The following UNC13C variants were observed in gnomAD, a reference collection of about 807,000 sequenced individuals.
UNC13C encodes unc-13 homolog C.
In UNC13C, 174 loss-of-function variants were observed where a neutral mutation model predicts 245.4. The observed-to-expected ratio is 0.71, with a 90% confidence interval of 0.63 to 0.80. The LOEUF is 0.80. Among genes scored for constraint, UNC13C ranks in the 30% least tolerant of loss-of-function variants. The probability of loss-of-function intolerance (pLI) is 0.00; values close to 1 mark genes in which losing one functional copy is unlikely to be tolerated. For synonymous variants in UNC13C, 992 were observed against 895.1 expected (o/e 1.11, Z -1.93); for missense variants, 2,829 against 2,602.9 (o/e 1.09, Z -1.89).
At chr15:54,402,341 A>T (rs1443150124) in intron 18 of UNC13C, among the ~76,000 whole-genome samples, 1 of 152,314 alleles carries the variant, frequency 6.6e-6, no homozygotes, top group African/African-American at 2.4e-5. Flanking sequence ...ATATTACATT[A>T]TATGGAAAGA....
chr15:53,990,630 A>G (rs1894344010), intron 1 of UNC13C, among the ~76,000 whole-genome samples: 1 of 151,970 alleles, frequency 6.6e-6, no homozygotes, highest in South Asian at 2.1e-4. Flanking sequence ...TTTCGCTTTT[A>G]TAGTTTAAGT....
Position 54,478,442 on chromosome 15 carries a change from G to C in UNC13C, c.4934-16166G>C, listed in dbSNP as rs1234669573. ...GGATATTTCCTGCTTTCTCTTGTGG[G>C]CATTTAGTGCTATAAATTTCCCTCT... On this transcript the variant is annotated intron_variant, in intron 19 of 32. Transcript: ENST00000260323. Among the ~76,000 whole-genome samples, 24 of 140,678 alleles carry C rather than the reference G, an allele frequency of 1.7e-4. No individual in the cohort carries two copies. In the East Asian group the frequency reaches 3.2e-3, roughly 19 times the overall value. The allele number at this position is 140,678 out of a possible 152,430, so 92.3% of individuals were successfully genotyped here.
intron 4 of UNC13C, among the ~76,000 whole-genome samples, chr15:54,163,968 G>A (rs1707162171): frequency 6.6e-6 from 1 of 152,210 alleles, no homozygotes; most frequent in African/African-American, 2.4e-5. Flanking sequence ...TGAATAATAT[G>A]GCTGTAATAG....
chr15:54,604,532 T>G (rs1328747359), intron 30 of UNC13C, among the ~76,000 whole-genome samples: 2 of 152,194 alleles, frequency 1.3e-5, no homozygotes, highest in African/African-American at 4.8e-5. Context: ...GGGCTAACTT[T>G]CCTGGGGAAC....
In UNC13C at chr15:54,009,834, T is replaced by C. The variant is rs1223571481; in HGVS notation, c.-256-2814T>C. 2.6e-5 allele frequency among the ~76,000 whole-genome samples: 4 copies of C among 152,164 alleles called. No individual in the cohort carries two copies. In the East Asian group the frequency reaches 7.7e-4, roughly 29 times the overall value. On this transcript the variant is annotated intron_variant, in intron 1 of 32. Coordinates refer to ENST00000260323, the MANE Select transcript of UNC13C (RefSeq NM_001080534.3). Reference sequence around the variant, plus strand: ...AGTAACTTTCTTATGACCACACAGCTAGTGTATCACAGAGTTGGGATTCCA... The same window carrying C: ...AGTAACTTTCTTATGACCACACAGCCAGTGTATCACAGAGTTGGGATTCCA...
chr15:54,515,256 A>G (rs16974710), intron 24 of UNC13C, among the ~76,000 whole-genome samples: 3,352 of 152,300 alleles, frequency 0.022, 139 homozygotes, highest in African/African-American at 0.077. Context: ...TAGAGCTACA[A>G]GTTAATTTGC....
At chr15:53,918,346 T>TC in the UNC13C span, among the ~76,000 whole-genome samples, 144,693 of 152,146 alleles carry the variant, frequency 0.95, 69,253 homozygotes, top group Middle Eastern at 1. Flanking sequence ...ATTGTTTATT[T>TC]CCTACTCAGA....
At chr15:54,113,547 T>G (rs1484642686) in intron 2 of UNC13C, among the ~76,000 whole-genome samples, 1 of 152,100 alleles carries the variant, frequency 6.6e-6, no homozygotes, top group South Asian at 2.1e-4. Flanking sequence ...GCAGGTTGCT[T>G]GTTAAAACAT....
chr15:54,443,432 C>T (rs777596268), intron 19 of UNC13C, among the ~76,000 whole-genome samples: 77 of 151,758 alleles, frequency 5.1e-4, no homozygotes, highest in Non-Finnish European at 1.0e-4. Context: ...TTATTTCTTT[C>T]TTTCAACTAA....
At chr15:54,070,579 G>T (rs1352802886) in intron 2 of UNC13C, among the ~76,000 whole-genome samples, 1 of 151,908 alleles carries the variant, frequency 6.6e-6, no homozygotes, top group Non-Finnish European at 1.5e-5. Context: ...GCTTGCATAG[G>T]TTTTTTTTAA....
intron 29 of UNC13C, among the ~76,000 whole-genome samples, chr15:54,565,675 G>C (rs778666620): frequency 6.6e-6 from 1 of 151,920 alleles, no homozygotes; most frequent in Non-Finnish European, 1.5e-5. Flanking sequence ...CTGGAATAGA[G>C]GCAAGACAGA....
At chr15:54,249,157 G>A (rs778969770) in intron 7 of UNC13C, among the ~76,000 whole-genome samples, 9 of 151,926 alleles carry the variant, frequency 5.9e-5, no homozygotes, top group Non-Finnish European at 1.0e-4. Flanking sequence ...TGCTTTGTGG[G>A]ATATGAGAAG....
chr15:53,855,119 T>C, the UNC13C span, among the ~76,000 whole-genome samples: 1 of 152,202 alleles, frequency 6.6e-6, no homozygotes, highest in East Asian at 1.9e-4. Context: ...TGTATAGGAA[T>C]GCTTGTGATT....
chr15:53,955,243 A>G, the UNC13C span, among the ~76,000 whole-genome samples: 1 of 149,236 alleles, frequency 6.7e-6, no homozygotes, highest in African/African-American at 2.5e-5. Flanking sequence ...TTGTACTATG[A>G]TATCAAAGCT....
In UNC13C at chr15:54,014,379, G is replaced by A; in HGVS notation, c.1476G>A (p.Lys492=). The change falls in exon 2 of 33, where the codon AAG becomes AAA. Residue 492 remains lysine (K), a synonymous_variant. Transcript: ENST00000260323. ...PSSKSHSARS[K]NKTANSSRIS... ...CAAAATCACACAGTGCTAGATCCAA[G>A]AATAAAACTGCTAATAGCAGCAGAA... is the stretch of plus-strand genomic sequence containing the variant. The A allele has an allele frequency of 6.2e-7, 1 of 1,613,806 alleles. No individual in the cohort carries two copies. The highest frequency in any genetic ancestry group is 8.5e-7 in the Non-Finnish European group (1 of 1,179,842).
chr15:54,393,221 C>G (rs1266097330), intron 18 of UNC13C, 40 bp downstream of exon 18: 3 of 1,448,530 alleles, frequency 2.1e-6, no homozygotes, highest in South Asian at 1.6e-5. Flanking sequence ...TTTTATTCCA[C>G]TAAAGTTCAA....
chr15:53,856,836 C>A, the UNC13C span, among the ~76,000 whole-genome samples: 6 of 152,182 alleles, frequency 3.9e-5, no homozygotes, highest in South Asian at 8.3e-4. Flanking sequence ...ATATCTTTGG[C>A]AATTTTCTGT....
intron 32 of UNC13C, among the ~76,000 whole-genome samples, chr15:54,624,618 A>G (rs2141317408): frequency 6.6e-6 from 1 of 152,298 alleles, no homozygotes; most frequent in Admixed American, 6.5e-5. Flanking sequence ...TGTGTACAGA[A>G]ATAATTATAC....
intron 13 of UNC13C, among the ~76,000 whole-genome samples, chr15:54,304,586 C>G (rs539980047): frequency 8.6e-5 from 13 of 151,244 alleles, no homozygotes; most frequent in African/African-American, 3.2e-4. Context: ...GACCTCCTTT[C>G]CCTTAGAGCA....
Sources: allele counts gnomAD v4.1 joint callset (sites outside exome capture counted in the v4.1 genomes callset), GRCh38; gene constraint gnomAD v4.1.1; transcripts MANE v1.5; gene names NCBI Gene and HGNC (gene_info 2026-07-23, HGNC 2026-07-21).